The following NCAM2 variants were observed in gnomAD, a reference collection of about 807,000 sequenced individuals.
NCAM2 encodes the protein N-CAM-2.
In NCAM2, 30 loss-of-function variants were observed where a neutral mutation model predicts 98.1. That is an observed-to-expected ratio of 0.31 (90% CI 0.23 to 0.41). NCAM2 has a LOEUF of 0.41. Ranked by LOEUF, NCAM2 falls within the 10% of genes least tolerant of loss-of-function variation. The pLI is 1.00. For missense variants in NCAM2, 867 were observed against 1,005.8 expected, an observed-to-expected ratio of 0.86 and a Z score of 1.87; for synonymous variants, 368 against 342.4, an observed-to-expected ratio of 1.07 and a Z score of -0.83.
intron 2 of NCAM2, 112 bp downstream of exon 2, chr21:21,280,764 T>C (rs1422398648): frequency 4.5e-6 from 3 of 672,914 alleles, no homozygotes; most frequent in Non-Finnish European, 7.0e-6. Context: ...AATAACATCT[T>C]ACAGTTGGTT....
At chr21:21,225,185 C>T (rs2147152787) in intron 1 of NCAM2, among the ~76,000 whole-genome samples, 1 of 152,174 alleles carries the variant, frequency 6.6e-6, no homozygotes, top group East Asian at 1.9e-4. Flanking sequence ...CATGTTCTCA[C>T]TTAAAGTGGG....
rs753224509 is a variant in NCAM2 at position 21,002,360 on chromosome 21, A to G, written c.55+3742A>G. On this transcript the variant is annotated intron_variant, in intron 1 of 17. Transcript: ENST00000400546. ...TCCTACTAGAGAAGCAATTAATGGAACAAAAGAACCTCATTCAGTACCAAA... is the reference window on the plus strand; with the variant it reads ...TCCTACTAGAGAAGCAATTAATGGAGCAAAAGAACCTCATTCAGTACCAAA... Among the ~76,000 whole-genome samples the G allele has an allele frequency of 1.7e-4, 26 of 152,150 alleles. 1 individual carries two copies. Among genetic ancestry groups the G allele is most frequent in the African/African-American group, 5.3e-4 (22 of 41,446 alleles).
At chr21:21,128,380 C>G (rs368295769) in intron 1 of NCAM2, among the ~76,000 whole-genome samples, 2 of 152,044 alleles carry the variant, frequency 1.3e-5, no homozygotes, top group African/African-American at 4.8e-5. Context: ...TGACTTTCAA[C>G]TTAGCATCTG....
At chr21:21,496,000 A>G (rs896510527) in intron 15 of NCAM2, among the ~76,000 whole-genome samples, 1 of 139,288 alleles carries the variant, frequency 7.2e-6, no homozygotes, top group Non-Finnish European at 1.6e-5. Flanking sequence ...GTGTATATAT[A>G]TATGAAATAT....
chr21:21,272,984 TACACACACACAC>T (rs60333494), intron 1 of NCAM2, among the ~76,000 whole-genome samples: 1 of 143,152 alleles, frequency 7.0e-6, no homozygotes, highest in Non-Finnish European at 1.5e-5. Context: ...TTCACACACA[TACACACACACAC>T]ACACACACAC....
intron 9 of NCAM2, among the ~76,000 whole-genome samples, chr21:21,382,115 G>T (rs1318309947): frequency 6.6e-6 from 1 of 152,042 alleles, no homozygotes; most frequent in Non-Finnish European, 1.5e-5. Flanking sequence ...CTGCTTTAAA[G>T]CTATTTTCTT....
At chr21:21,018,595 G>C (rs973117157) in intron 1 of NCAM2, among the ~76,000 whole-genome samples, 1 of 152,070 alleles carries the variant, frequency 6.6e-6, no homozygotes, top group South Asian at 2.1e-4. Context: ...GTCTATCATC[G>C]TGTCCCTTTT....
At chr21:21,020,097 C>T (rs1287988582) in intron 1 of NCAM2, among the ~76,000 whole-genome samples, 1 of 152,044 alleles carries the variant, frequency 6.6e-6, no homozygotes, top group Admixed American at 6.5e-5. Context: ...AGTGCAGTGG[C>T]GTGATCTAAG....
At chr21:21,060,873 A>G (rs933942681) in intron 1 of NCAM2, among the ~76,000 whole-genome samples, 25 of 152,256 alleles carry the variant, frequency 1.6e-4, no homozygotes, top group African/African-American at 5.8e-4. Flanking sequence ...AGGGCAAGTC[A>G]TCCAGGGCCC....
chr21:21,233,653 A>T (rs1046679871), intron 1 of NCAM2, among the ~76,000 whole-genome samples: 1 of 151,710 alleles, frequency 6.6e-6, no homozygotes, highest in African/African-American at 2.4e-5. Context: ...GTATATTGTG[A>T]GTACAAACGA....
chr21:21,164,322 T>C (rs1181927881), intron 1 of NCAM2, among the ~76,000 whole-genome samples: 1 of 152,218 alleles, frequency 6.6e-6, no homozygotes, highest in Non-Finnish European at 1.5e-5. Flanking sequence ...CAAATACTTT[T>C]TTGGAAAAAC....
intron 1 of NCAM2, among the ~76,000 whole-genome samples, chr21:21,130,701 G>A (rs775064891): frequency 1.1e-4 from 16 of 150,142 alleles, no homozygotes; most frequent in Non-Finnish European, 2.2e-4. Context: ...TGCTTACTCT[G>A]TGCCATAACT....
chr21:21,177,049 T>C (rs555731898), intron 1 of NCAM2, among the ~76,000 whole-genome samples: 9 of 152,248 alleles, frequency 5.9e-5, no homozygotes, highest in African/African-American at 2.2e-4. Context: ...CTATACTTAA[T>C]TTATTCTGTA....
At chr21:21,398,011 A>G (rs2076551306) in intron 9 of NCAM2, among the ~76,000 whole-genome samples, 1 of 152,260 alleles carries the variant, frequency 6.6e-6, no homozygotes, top group Non-Finnish European at 1.5e-5. Context: ...AAAATATGGA[A>G]CCAGCCCAAA....
At chr21:21,291,079 G>C (rs2073274553) in intron 4 of NCAM2, among the ~76,000 whole-genome samples, 1 of 151,776 alleles carries the variant, frequency 6.6e-6, no homozygotes, top group South Asian at 2.1e-4. Context: ...AGATATGTTA[G>C]AGGCTGGGTA....
chr21:21,506,898 A>G (rs1294927771), intron 15 of NCAM2, among the ~76,000 whole-genome samples: 1 of 152,132 alleles, frequency 6.6e-6, no homozygotes, highest in East Asian at 1.9e-4. Flanking sequence ...TTGCTTGGAC[A>G]TGAGCATTCT....
At chr21:21,354,838 A>G (rs202064270) in intron 8 of NCAM2, among the ~76,000 whole-genome samples, 2,156 of 4,424 alleles carry the variant, frequency 0.49, 44 homozygotes, top group East Asian at 0.51. Context: ...TTAGCACTAA[A>G]TGTTCTTTTA....
At chr21:21,330,069 G>A (rs2074630141) in intron 6 of NCAM2, among the ~76,000 whole-genome samples, 2 of 151,958 alleles carry the variant, frequency 1.3e-5, no homozygotes, top group Admixed American at 1.3e-4. Context: ...TCTAGATGTA[G>A]GTCTATGCAC....
At chr21:21,259,457 C>T (rs1185838503) in intron 1 of NCAM2, among the ~76,000 whole-genome samples, 1 of 1,688 alleles carries the variant, frequency 5.9e-4, no homozygotes, top group African/African-American at 6.7e-4. Context: ...CCAGCCCCTT[C>T]TCTTGAGACC....
Sources: gnomAD v4.1 joint callset for allele counts (sites outside exome capture counted in the v4.1 genomes callset) on GRCh38, gnomAD v4.1.1 for gene constraint, MANE v1.5 for transcripts, NCBI Gene and HGNC (gene_info 2026-07-23, HGNC 2026-07-21) for gene names.